The following ZNF536 variants were observed in gnomAD, a reference collection of about 807,000 sequenced individuals.
ZNF536 encodes the protein zinc finger protein 536.
Under a neutral mutation model 84.5 loss-of-function variants are expected in ZNF536, and 13 were observed. That is an observed-to-expected ratio of 0.15 (90% CI 0.10 to 0.24). The LOEUF is 0.24. ZNF536 is among the 10% of genes least tolerant of loss of function. ZNF536 has a pLI of 1.00. For missense variants in ZNF536, 1,536 were observed against 1,747.5 expected (o/e 0.88, Z 2.16); for synonymous variants, 811 against 742.5 (o/e 1.09, Z -1.50).
chr19:30,433,506 T>A (rs747973567), intron 1 of ZNF536, among the ~76,000 whole-genome samples: 2 of 152,128 alleles, frequency 1.3e-5, no homozygotes, highest in East Asian at 1.9e-4. Flanking sequence ...TGTTTGTTTG[T>A]TTGATTTTGA....
intron 2 of ZNF536, among the ~76,000 whole-genome samples, chr19:30,531,785 C>T (rs1171387417): frequency 6.6e-6 from 1 of 152,064 alleles, no homozygotes; most frequent in Non-Finnish European, 1.5e-5. Flanking sequence ...CCACCACACC[C>T]AGCTAATTTT....
chr19:30,446,240 C>T (rs1317849906), intron 2 of ZNF536, among the ~76,000 whole-genome samples: 3 of 62,460 alleles, frequency 4.8e-5, no homozygotes, highest in South Asian at 5.6e-4. Context: ...CAGAGTGAGA[C>T]ACTGTCTCAA....
intron 1 of ZNF536, among the ~76,000 whole-genome samples, chr19:30,235,045 C>G (rs2023382220): frequency 6.6e-6 from 1 of 152,160 alleles, no homozygotes; most frequent in Admixed American, 6.5e-5. Context: ...GTTTGGGGCT[C>G]TTCGGTGTAG....
intron 2 of ZNF536, among the ~76,000 whole-genome samples, chr19:30,466,403 C>A (rs1327944391): frequency 2.0e-5 from 3 of 149,556 alleles, no homozygotes; most frequent in Admixed American, 6.7e-5. Context: ...CCAAACCAAA[C>A]CAAAACAAAA....
chr19:30,358,373 G>C (rs1238543232), intron 3 of ZNF536, among the ~76,000 whole-genome samples: 1 of 152,174 alleles, frequency 6.6e-6, no homozygotes, highest in Non-Finnish European at 1.5e-5. Flanking sequence ...CCTCCCCCGG[G>C]ATGCCCAGGC....
chr19:30,428,252 G>C (rs552103672), intron 1 of ZNF536, among the ~76,000 whole-genome samples: 7 of 152,240 alleles, frequency 4.6e-5, no homozygotes, highest in African/African-American at 1.4e-4. Flanking sequence ...GACAGGGGAA[G>C]GAGGAGGAGA....
chr19:30,512,758 T>C (rs1263124162), intron 2 of ZNF536, among the ~76,000 whole-genome samples: 1 of 152,224 alleles, frequency 6.6e-6, no homozygotes, highest in Non-Finnish European at 1.5e-5. Context: ...GATAATGCAG[T>C]GCTGTTTAAT....
At chr19:30,368,342 G>A (rs555704978), upstream of ZNF536, among the ~76,000 whole-genome samples, 3 of 152,246 alleles carry the variant, frequency 2.0e-5, no homozygotes, top group South Asian at 2.1e-4. Context: ...TGCACACTAC[G>A]GCTGCAAAAC....
At chr19:30,597,998 G>GTGT (rs1470810229) in intron 1 of ZNF536, among the ~76,000 whole-genome samples, 1 of 152,162 alleles carries the variant, frequency 6.6e-6, no homozygotes, top group Admixed American at 6.5e-5. Context: ...ATTGCTATGT[G>GTGT]TGTTGTTGTT....
intron 2 of ZNF536, among the ~76,000 whole-genome samples, chr19:30,322,393 G>A (rs926872246): frequency 5.9e-5 from 9 of 152,086 alleles, no homozygotes; most frequent in African/African-American, 2.2e-4. Flanking sequence ...ATGCCCACAG[G>A]GGAAATTCCT....
At chr19:30,334,354 C>G (rs1192204736) in intron 2 of ZNF536, among the ~76,000 whole-genome samples, 1 of 152,110 alleles carries the variant, frequency 6.6e-6, no homozygotes, top group Non-Finnish European at 1.5e-5. Context: ...ACTTACCAAC[C>G]CCTGAAACTC....
intron 3 of ZNF536, among the ~76,000 whole-genome samples, chr19:30,362,982 C>G (rs2048321109): frequency 6.6e-6 from 1 of 152,048 alleles, no homozygotes; most frequent in African/African-American, 2.4e-5. Flanking sequence ...TCGCTTGAAC[C>G]CGGGAGGCAG....
chr19:30,639,458 G>C (rs1299315658), intron 1 of ZNF536, among the ~76,000 whole-genome samples: 1 of 152,112 alleles, frequency 6.6e-6, no homozygotes, highest in Non-Finnish European at 1.5e-5. Context: ...TCTCAATTCT[G>C]ACAAAGCCCC....
chr19:30,446,841 A>ACAACACCAC (rs150427729), intron 2 of ZNF536, among the ~76,000 whole-genome samples: 3 of 146,956 alleles, frequency 2.0e-5, no homozygotes, highest in East Asian at 3.9e-4. Flanking sequence ...AACAACAACA[A>ACAACACCAC]AACACGCTAG....
chr19:30,518,455 G>A (rs1011741038), intron 2 of ZNF536, among the ~76,000 whole-genome samples: 1 of 152,186 alleles, frequency 6.6e-6, no homozygotes, highest in Non-Finnish European at 1.5e-5. Flanking sequence ...CTAACACATA[G>A]ATGAGGAAAT....
intron 2 of ZNF536, among the ~76,000 whole-genome samples, chr19:30,502,681 A>G (rs969002465): frequency 2.0e-5 from 3 of 152,188 alleles, no homozygotes; most frequent in Non-Finnish European, 4.4e-5. Flanking sequence ...AAGTCCTGAG[A>G]TGCCTCTATT....
intron 1 of ZNF536, among the ~76,000 whole-genome samples, chr19:30,442,642 A>G (rs547591863): frequency 1.8e-4 from 27 of 152,348 alleles, no homozygotes; most frequent in Admixed American, 8.5e-4. Context: ...AACAACTTCA[A>G]CAATCTGCTA....
chr19:30,254,374 A>C (rs1272186956), intron 1 of ZNF536, among the ~76,000 whole-genome samples: 1 of 152,178 alleles, frequency 6.6e-6, no homozygotes, highest in Non-Finnish European at 1.5e-5. Context: ...TGAGACAGGA[A>C]AGAATGTTAT....
chr19:30,478,226 C>T (rs2053930251), intron 2 of ZNF536, among the ~76,000 whole-genome samples: 1 of 150,538 alleles, frequency 6.6e-6, no homozygotes, highest in African/African-American at 2.5e-5. Context: ...GAAATATATG[C>T]TATGAAGTCA....
Sources: allele counts gnomAD v4.1 joint callset (sites outside exome capture counted in the v4.1 genomes callset), GRCh38; gene constraint gnomAD v4.1.1; transcripts MANE v1.5; gene names NCBI Gene and HGNC (gene_info 2026-07-23, HGNC 2026-07-21).